The following FRMD4A variants were observed in gnomAD, a reference collection of about 807,000 sequenced individuals.
FRMD4A encodes FERM domain containing 4A, also known as FERM domain-containing protein 4A.
FRMD4A carries 29 observed loss-of-function variants against 129.1 expected under a neutral mutation model. The observed-to-expected ratio is 0.22, with a 90% CI of 0.17 to 0.31. The LOEUF (loss-of-function observed/expected upper bound fraction) is 0.31. Ranked by LOEUF, FRMD4A falls within the 10% of genes least tolerant of loss-of-function variation. The probability of loss-of-function intolerance (pLI) is 1.00; values close to 1 mark genes in which losing one functional copy is unlikely to be tolerated. For missense variants in FRMD4A, 1,272 were observed against 1,375.8 expected (o/e 0.92, Z 1.19); for synonymous variants, 634 against 571.6 (o/e 1.11, Z -1.56).
At position 13,651,985 on chromosome 10, in the gene FRMD4A, G is replaced by A. The variant is rs761709056; in HGVS notation, c.3051-11C>T. 6.0e-6 allele frequency: 9 copies of A among 1,502,996 alleles called. No individual in the cohort carries two copies. Among genetic ancestry groups the A allele is most frequent in the South Asian group, 1.1e-5 (1 of 88,786 alleles). 93.1% of individuals were successfully genotyped at this position (1,502,996 alleles called of 1,614,324 possible). On this transcript the variant is annotated splice_polypyrimidine_tract_variant and intron_variant, in intron 23 of 24. Transcript: ENST00000357447. The stretch of plus-strand genomic sequence containing the variant: ...TTTTCTGTTGCTTCTCTGAACAAAG[G>A]AAAGCAGGAGGAGGAAGAGAAGAGA...
chr10:13,753,378 G>A (rs2091718186), intron 8 of FRMD4A, among the ~76,000 whole-genome samples: 1 of 152,088 alleles, frequency 6.6e-6, no homozygotes, highest in African/African-American at 2.4e-5. Context: ...CTGCCATAGT[G>A]TGTGACCATT....
chr10:14,024,301 G>A (rs192576924), intron 2 of FRMD4A, among the ~76,000 whole-genome samples: 6 of 152,318 alleles, frequency 3.9e-5, no homozygotes, highest in Admixed American at 1.3e-4. Flanking sequence ...AAGGACTTTC[G>A]GAGTGGCAGG....
At chr10:14,264,839 T>C (rs1844922835) in intron 2 of FRMD4A, among the ~76,000 whole-genome samples, 1 of 152,152 alleles carries the variant, frequency 6.6e-6, no homozygotes, top group Non-Finnish European at 1.5e-5. Flanking sequence ...TGGAGTGCAG[T>C]GGCAAGATCG....
rs527606499 is a variant in FRMD4A, at chr10:13,995,230, A to C, written c.46-136318T>G. On this transcript the variant is annotated intron_variant, in intron 2 of 24. Transcript: ENST00000357447. ...GTTTGCTCTTAGGTATGTTGGTTTA[A>C]TACCATCAAGGAGAACACAGAACAC... Among the ~76,000 whole-genome samples, 10 of 152,332 alleles carry C rather than the reference A, an allele frequency of 6.6e-5. No individual in the cohort carries two copies. In the East Asian group the frequency reaches 1.7e-3, roughly 26 times the overall value.
At chr10:13,705,947 G>T (rs926602641) in intron 13 of FRMD4A, among the ~76,000 whole-genome samples, 5 of 152,272 alleles carry the variant, frequency 3.3e-5, no homozygotes, top group Non-Finnish European at 5.9e-5. Flanking sequence ...CATTCCTACC[G>T]GGTTATCATG....
At chr10:14,140,192 G>C (rs898087354) in intron 2 of FRMD4A, among the ~76,000 whole-genome samples, 2 of 152,006 alleles carry the variant, frequency 1.3e-5, no homozygotes, top group Admixed American at 1.3e-4. Flanking sequence ...CTCCTGAGTC[G>C]CTGGGACTAC....
At chr10:14,273,975 A>G (rs113578882) in intron 2 of FRMD4A, among the ~76,000 whole-genome samples, 2,805 of 152,312 alleles carry the variant, frequency 0.018, 39 homozygotes, top group Non-Finnish European at 0.027. Flanking sequence ...GACTGGTGAG[A>G]AAGAGGATGC....
chr10:13,655,014 TCTG>T (rs2082020045), intron 22 of FRMD4A: 1 of 159,736 alleles, frequency 6.3e-6, no homozygotes, highest in African/African-American at 2.4e-5. Flanking sequence ...GCCTGCTCTC[TCTG>T]CTGTTTCAGG....
intron 8 of FRMD4A, among the ~76,000 whole-genome samples, chr10:13,750,077 A>AAAGAAAGAAATG (rs1239405452): frequency 6.6e-4 from 49 of 73,830 alleles, no homozygotes; most frequent in African/African-American, 1.9e-3. Flanking sequence ...AGGAAGAAAG[A>AAAGAAAGAAATG]AAGAAAGAAA....
At chr10:13,984,256 G>A (rs1212863647) in intron 2 of FRMD4A, among the ~76,000 whole-genome samples, 2 of 152,190 alleles carry the variant, frequency 1.3e-5, no homozygotes, top group Non-Finnish European at 2.9e-5. Context: ...GCCCAGGGGT[G>A]AAGTTTCCCC....
At chr10:13,815,908 T>C (rs1219837210) in intron 3 of FRMD4A, among the ~76,000 whole-genome samples, 1 of 152,234 alleles carries the variant, frequency 6.6e-6, no homozygotes, top group Non-Finnish European at 1.5e-5. Flanking sequence ...TTCTGGAGAC[T>C]GAGTTTTTGC....
intron 2 of FRMD4A, among the ~76,000 whole-genome samples, chr10:14,084,173 G>A (rs1253153320): frequency 2.6e-5 from 4 of 152,198 alleles, no homozygotes; most frequent in Admixed American, 6.5e-5. Context: ...TCTAGACAGA[G>A]TCTTGATCTG....
chr10:13,958,897 TACAATTATAACCAGTCTAG>T (rs1437240347), intron 2 of FRMD4A, among the ~76,000 whole-genome samples: 1 of 152,220 alleles, frequency 6.6e-6, no homozygotes, highest in African/African-American at 2.4e-5. Flanking sequence ...TTCTGCTTTT[TACAATTATAACCAGTCTAG>T]ACAATTATAA....
At chr10:14,325,208 A>G (rs954741151) in intron 2 of FRMD4A, among the ~76,000 whole-genome samples, 9 of 152,250 alleles carry the variant, frequency 5.9e-5, no homozygotes, top group African/African-American at 2.2e-4. Context: ...ATCTGCGGAA[A>G]AGCCATAGGC....
At position 13,820,406 on chromosome 10, in the gene FRMD4A, G is replaced by A. The variant is rs141240214; in HGVS notation, c.112-9498C>T. The stretch of plus-strand genomic sequence containing the variant: ...GGCACTCTGGGCTGGGAAGGCAGGC[G>A]GGCCTTGGTCTCAGCCGACCTTGGG... On this transcript the variant is annotated intron_variant, in intron 3 of 24. Transcript: ENST00000357447. Among the ~76,000 whole-genome samples, 157 of 152,186 alleles carry A rather than the reference G, an allele frequency of 1.0e-3. 1 individual carries two copies. Among genetic ancestry groups the A allele is most frequent in the African/African-American group, 3.2e-3 (132 of 41,524 alleles).
chr10:14,058,764 G>A (rs1420107051), intron 2 of FRMD4A, among the ~76,000 whole-genome samples: 3 of 152,084 alleles, frequency 2.0e-5, no homozygotes, highest in East Asian at 1.9e-4. Context: ...ACAGGGTCCC[G>A]GTGACTACAG....
chr10:13,683,712 GT>G lies in FRMD4A; in HGVS notation c.1118-8669del, dbSNP rs5783340. Among the ~76,000 whole-genome samples the G allele has an allele frequency of 7.8e-4, 116 of 147,878 alleles. No individual in the cohort carries two copies. In the East Asian group the frequency reaches 0.011, roughly 14 times the overall value. ...CGTGAATTGTAGCTGGTCACATCCAGTTTTTTTTTTTTCTTTTTGAGACGGA... is the reference window on the plus strand; with the variant it reads ...CGTGAATTGTAGCTGGTCACATCCAGTTTTTTTTTTTCTTTTTGAGACGGA... On this transcript the variant is annotated intron_variant, in intron 15 of 24. Transcript: ENST00000357447.
In FRMD4A at chr10:14,032,915, G is replaced by T. The variant is rs532198129; in HGVS notation, c.46-174003C>A. On this transcript the variant is annotated intron_variant, in intron 2 of 24. Coordinates refer to ENST00000357447, the MANE Select transcript of FRMD4A (RefSeq NM_018027.5). ...AGTCTTGGTAACTTTGCCTGGTATT[G>T]CCAGATATACCCAAGAGCAATTCAA... 1.1e-4 allele frequency among the ~76,000 whole-genome samples: 17 copies of T among 152,328 alleles called. No homozygotes were observed. In the South Asian group the frequency reaches 3.3e-3, roughly 30 times the overall value.
intron 9 of FRMD4A, chr10:13,744,519 G>A (rs1378687637): frequency 6.6e-6 from 1 of 152,186 alleles, no homozygotes; most frequent in Non-Finnish European, 1.5e-5. Context: ...CAAGTAGGTT[G>A]GTGTATGTCA....
Sources: gnomAD v4.1 joint callset for allele counts (sites outside exome capture counted in the v4.1 genomes callset) on GRCh38, gnomAD v4.1.1 for gene constraint, MANE v1.5 for transcripts, NCBI Gene and HGNC (gene_info 2026-07-23, HGNC 2026-07-21) for gene names.